FLT4: variants seen among roughly 807,000 people sequenced by gnomAD.
FLT4 encodes the protein vascular endothelial growth factor receptor 3.
In FLT4, 30 loss-of-function variants were observed where a neutral mutation model predicts 163.2. That is an observed-to-expected ratio of 0.18 (90% CI 0.14 to 0.25). FLT4 has a LOEUF of 0.25. Among genes scored for constraint, FLT4 ranks in the 10% least tolerant of loss-of-function variants. The probability of loss-of-function intolerance (pLI) is 1.00; values close to 1 mark genes in which losing one functional copy is unlikely to be tolerated. For missense variants in FLT4, 1,510 were observed against 1,863.8 expected (o/e 0.81, Z 3.50); for synonymous variants, 884 against 789.5 (o/e 1.12, Z -2.01).
At position 180,629,421 on chromosome 5, in the gene FLT4, G is replaced by C. The variant is rs1430092421; in HGVS notation, c.823C>G (p.Arg275Gly). 1 of 1,610,706 alleles carries C rather than the reference G, an allele frequency of 6.2e-7. No homozygotes were observed. Among genetic ancestry groups the C allele is most frequent in the African/African-American group, 1.3e-5 (1 of 74,876 alleles). ...CGTCGCTCGGGCACCCACTTACCCC[G>C]CTCTGCCTGCCCGCACCCAGGGAAG... ...DWDYPGKQAE[R>G]GKWVPERRSQ... The change falls in exon 7 of 30, where the codon CGG becomes GGG. Residue 275 changes from arginine (R) to glycine (G), a missense_variant. Arg to Gly is a moderately radical substitution (Grantham distance 125). Coordinates refer to ENST00000261937, the MANE Select transcript of FLT4 (RefSeq NM_182925.5).
intron 1 of FLT4, among the ~76,000 whole-genome samples, 174 bp downstream of exon 1, chr5:180,649,314 C>T (rs1022641607): frequency 4.0e-5 from 6 of 151,882 alleles, no homozygotes; most frequent in Non-Finnish European, 7.4e-5. Context: ...GCCCCTTCCT[C>T]ATCCCGAGGT....
At position 180,622,623 on chromosome 5, in the gene FLT4, T is replaced by C. The variant is rs1763244457; in HGVS notation, c.1657+108A>G. 4.1e-6 allele frequency: 3 copies of C among 737,644 alleles called. No homozygotes were observed. In the South Asian group the frequency reaches 4.4e-5, roughly 11 times the overall value. The allele number at this position is 737,644 out of a possible 1,614,324, so 45.7% of individuals were successfully genotyped here. A position where few individuals can be genotyped will look rare whatever the true frequency, so the allele number is the denominator to read the frequency against. On this transcript the variant is annotated intron_variant, in intron 12 of 29. Transcript: ENST00000261937. Reference sequence around the variant, plus strand: ...TTTTCCTGTCTACAACCGGTAGGCCTTGGATCTCTCTCCTGGGTGTCCCAA... The same window carrying C: ...TTTTCCTGTCTACAACCGGTAGGCCCTGGATCTCTCTCCTGGGTGTCCCAA...
chr5:180,602,447 C>T lies in FLT4; in HGVS notation c.*745G>A, dbSNP rs1344334573. On this transcript the variant is annotated 3_prime_UTR_variant, in exon 30 of 30. Transcript: ENST00000261937. The stretch of plus-strand genomic sequence containing the variant: ...AGTACAGCTGTCCCTGGGCGCCTTC[C>T]AGGCTGAATTCGGAAAGCAAATTCT... The T allele has an allele frequency of 2.5e-6, 1 of 393,704 alleles. No individual in the cohort carries two copies. The highest frequency in any genetic ancestry group is 3.6e-5 in the East Asian group (1 of 27,824). The allele number at this position is 393,704 out of a possible 1,614,324, so 24.4% of individuals were successfully genotyped here. A position where few individuals can be genotyped will look rare whatever the true frequency, so the allele number is the denominator to read the frequency against.
At chr5:180,642,011 A>G (rs1316155095) in intron 1 of FLT4, among the ~76,000 whole-genome samples, 3 of 152,148 alleles carry the variant, frequency 2.0e-5, no homozygotes, top group African/African-American at 7.2e-5. Context: ...GATTGAGACC[A>G]TCCTGGCCAA....
Position 180,629,772 on chromosome 5 carries a change from T to C in FLT4, c.740A>G (p.Lys247Arg). Reference protein sequence around the residue: ...RKSLELLVGEKLVLNCTVWAE... With the variant: ...RKSLELLVGERLVLNCTVWAE... Reference sequence around the variant, plus strand: ...CCACACGGTGCAGTTCAGGACCAGCTTCTCCCCTACCAGCAGCTCCAGCGA... The same window carrying C: ...CCACACGGTGCAGTTCAGGACCAGCCTCTCCCCTACCAGCAGCTCCAGCGA... The change falls in exon 6 of 30, where the codon AAG becomes AGG. Residue 247 changes from lysine (K) to arginine (R), a missense_variant. Physicochemically the swap from Lys to Arg is conservative, Grantham distance 26 (BLOSUM62 2). Coordinates refer to ENST00000261937, the MANE Select transcript of FLT4 (RefSeq NM_182925.5). The C allele has an allele frequency of 6.2e-7, 1 of 1,612,482 alleles. No homozygotes were observed. The highest frequency in any genetic ancestry group is 2.2e-5 in the East Asian group (1 of 44,870).
At chr5:180,629,548 T>C in intron 6 of FLT4, 121 bp from the exon 7 acceptor site, 1 of 1,476,026 alleles carries the variant, frequency 6.8e-7, no homozygotes. Flanking sequence ...AGGCCCTGAG[T>C]TTTCTTTGGG....
intron 17 of FLT4, 63 bp from the exon 18 acceptor site, chr5:180,619,832 G>A (rs1762985631): frequency 7.8e-6 from 10 of 1,278,446 alleles, no homozygotes; most frequent in African/African-American, 1.5e-5. Flanking sequence ...ACAGGTGGGC[G>A]GCGGGGGAGC....
intron 21 of FLT4, among the ~76,000 whole-genome samples, chr5:180,618,370 CCA>C: frequency 9.9e-6 from 1 of 100,862 alleles, no homozygotes; most frequent in African/African-American, 3.7e-5. Flanking sequence ...TCTGGGACAC[CCA>C]CATCCTACTC....
Position 180,631,710 on chromosome 5 carries a change from T to C in FLT4, c.127A>G (p.Thr43Ala), listed in dbSNP as rs2049954578. 1 of 1,610,488 alleles carries C rather than the reference T, an allele frequency of 6.2e-7. No homozygotes were observed. Residue 43 changes from threonine (T) to alanine (A), a missense_variant, in exon 2 of 30, where the codon ACC (threonine) becomes GCC (alanine). Around this residue, in one of 5 missense-constraint regions of FLT4, gnomAD observed 157 missense variants for 178.7 expected, o/e 0.88. Coordinates refer to ENST00000261937, the MANE Select transcript of FLT4 (RefSeq NM_182925.5). The stretch of plus-strand genomic sequence containing the variant: ...CAGGAGATGGACAGGCTGTCACCGG[T>C]GTCGATGACGTGTGACTCCTCCGTG... The part of the protein sequence containing the change: ...NITEESHVID[T>A]GDSLSISCRG...
In FLT4 at chr5:180,623,921, C is replaced by T. The variant is rs765381057; in HGVS notation, c.1548+14G>A. ...CCTTCTCCCTGGGCACTCAGCAGCG[C>T]GGCTGGCCTGTACCTTATTCTTTCC... On this transcript the variant is annotated intron_variant, in intron 11 of 29. Transcript: ENST00000261937. The surrounding 1 kb of genome is among the most constrained non-coding windows in gnomAD (Gnocchi z 5.8). The T allele has an allele frequency of 1.9e-5, 30 of 1,613,266 alleles. No homozygotes were observed. Among genetic ancestry groups the T allele is most frequent in the African/African-American group, 1.1e-4 (8 of 74,918 alleles).
rs1762338216 is a variant in FLT4 at position 180,613,065 on chromosome 5, T to C, written c.3377A>G (p.Gln1126Arg). The C allele has an allele frequency of 6.2e-7, 1 of 1,613,586 alleles. No individual in the cohort carries two copies. The highest frequency in any genetic ancestry group is 1.7e-5 in the Admixed American group (1 of 59,974). The change falls in exon 25 of 30, where the codon CAG becomes CGG. Residue 1126 changes from glutamine to arginine, a missense_variant. Gln to Arg is a conservative substitution (Grantham distance 43, BLOSUM62 1). Transcript: ENST00000261937. Reference protein sequence around the residue: ...PGVQINEEFCQRLRDGTRMRA... With the variant: ...PGVQINEEFCRRLRDGTRMRA... The stretch of plus-strand genomic sequence containing the variant: ...CATCCTTGTGCCGTCTCTCAGCCGC[T>C]GGCAGAACTCCTCATTGATCTGCAC...
chr5:180,642,101 A>G (rs913157132), intron 1 of FLT4, among the ~76,000 whole-genome samples: 10 of 151,524 alleles, frequency 6.6e-5, no homozygotes, highest in Non-Finnish European at 1.2e-4. Flanking sequence ...CAGCTACTCG[A>G]GAGGCTGAGG....
chr5:180,608,643 G>A (rs1464522546), intron 29 of FLT4, among the ~76,000 whole-genome samples: 1 of 152,176 alleles, frequency 6.6e-6, no homozygotes, highest in African/African-American at 2.4e-5. Context: ...GGCTGGGGTG[G>A]CCTCCCCAAC....
Position 180,619,428 on chromosome 5 carries a change from C to CGCTTAGCTAAGGCACAGCG in FLT4, c.2648-63_2648-62insCGCTGTGCCTTAGCTAAGC. ...TGGCAGGTCCCCGTTCCCCGCCACCCGGCGCTTTTGGGAGGGGGAGGGTTA... is the reference window on the plus strand; with the variant it reads ...TGGCAGGTCCCCGTTCCCCGCCACCCGCTTAGCTAAGGCACAGCGGGCGCTTTTGGGAGGGGGAGGGTTA... On this transcript the variant is annotated intron_variant, in intron 18 of 29. Coordinates refer to ENST00000261937, the MANE Select transcript of FLT4 (RefSeq NM_182925.5). 3.7e-6 allele frequency: 4 copies of CGCTTAGCTAAGGCACAGCG among 1,090,776 alleles called. No homozygotes were observed. In the South Asian group the frequency reaches 5.1e-5, roughly 14 times the overall value. 67.6% of individuals were successfully genotyped at this position (1,090,776 alleles called of 1,614,324 possible).
At chr5:180,604,162 A>C (rs1042214983) in intron 29 of FLT4, among the ~76,000 whole-genome samples, 1 of 152,148 alleles carries the variant, frequency 6.6e-6, no homozygotes, top group Admixed American at 6.5e-5. Flanking sequence ...TCCAGCACTC[A>C]CTGGAGCTCT....
intron 1 of FLT4, among the ~76,000 whole-genome samples, chr5:180,645,583 G>A (rs1765451246): frequency 1.3e-5 from 2 of 151,940 alleles, no homozygotes; most frequent in Admixed American, 1.3e-4. Flanking sequence ...GCCACGTGGC[G>A]GGCCTCCCCT....
At chr5:180,632,427 C>T (rs1356446904) in intron 1 of FLT4, among the ~76,000 whole-genome samples, 4 of 152,200 alleles carry the variant, frequency 2.6e-5, no homozygotes, top group African/African-American at 9.7e-5. Context: ...CCTGCCCAGG[C>T]CTCCCTAGAC....
rs139250876 is a variant in FLT4, at chr5:180,628,304, G to A, written c.1103+578C>T. On this transcript the variant is annotated intron_variant, in intron 8 of 29. Coordinates refer to ENST00000261937, the MANE Select transcript of FLT4 (RefSeq NM_182925.5). The stretch of plus-strand genomic sequence containing the variant: ...CCAGAGCCTGCAGGGAGTAGCCAGC[G>A]GAGACAGGGCCACCCCTGAGGCCTC... 2.4e-4 allele frequency among the ~76,000 whole-genome samples: 36 copies of A among 152,338 alleles called. No individual in the cohort carries two copies. In the East Asian group the frequency reaches 5.8e-3, roughly 25 times the overall value.
At chr5:180,616,619 G>A (rs189966991) in intron 22 of FLT4, 130 bp from the exon 23 acceptor site, 5 of 1,019,640 alleles carry the variant, frequency 4.9e-6, no homozygotes, top group African/African-American at 1.6e-5. Context: ...CTCCTTTGGG[G>A]AAGGATTCCC....
Sources: allele counts gnomAD v4.1 joint callset (sites outside exome capture counted in the v4.1 genomes callset), GRCh38; gene constraint gnomAD v4.1.1; regional missense constraint gnomAD v4.1.1; non-coding constraint Gnocchi (gnomAD v3.1); transcripts MANE v1.5; gene names NCBI Gene and HGNC (gene_info 2026-07-23, HGNC 2026-07-21).